The following SYT1 variants were observed in gnomAD, a reference collection of about 807,000 sequenced individuals.
SYT1 encodes synaptotagmin 1.
SYT1 carries 8 observed loss-of-function variants against 44.8 expected under a neutral mutation model. The observed-to-expected ratio is 0.18, with a 90% CI of 0.10 to 0.32. The LOEUF (loss-of-function observed/expected upper bound fraction) is 0.32. Among genes scored for constraint, SYT1 ranks in the 10% least tolerant of loss-of-function variants. The pLI is 1.00. For synonymous variants in SYT1, 154 were observed against 188.8 expected (o/e 0.82, Z 1.51); for missense variants, 286 against 509.3 (o/e 0.56, Z 4.22).
chr12:79,443,692 G>T (rs1000278600), intron 9 of SYT1, among the ~76,000 whole-genome samples: 1 of 152,204 alleles, frequency 6.6e-6, no homozygotes, highest in Non-Finnish European at 1.5e-5. Flanking sequence ...CAGCTCACAA[G>T]AGTGAACGGT....
chr12:78,981,753 A>T (rs1007350049), intron 2 of SYT1, among the ~76,000 whole-genome samples: 13 of 152,212 alleles, frequency 8.5e-5, no homozygotes, highest in African/African-American at 3.1e-4. Context: ...TTTATGAAAT[A>T]GTTATTGAAT....
intron 1 of SYT1, among the ~76,000 whole-genome samples, chr12:78,875,912 C>T (rs1197017067): frequency 1.3e-5 from 2 of 151,634 alleles, no homozygotes; most frequent in South Asian, 4.1e-4. Context: ...ACATATCTTC[C>T]GTTTCTTAAA....
chr12:79,038,513 C>T (rs1873294578), intron 2 of SYT1, among the ~76,000 whole-genome samples: 1 of 151,838 alleles, frequency 6.6e-6, no homozygotes, highest in African/African-American at 2.4e-5. Context: ...TGCTTACTGA[C>T]TGCTGTTCCA....
At chr12:79,365,650 A>G (rs1317765996) in intron 9 of SYT1, among the ~76,000 whole-genome samples, 2 of 152,074 alleles carry the variant, frequency 1.3e-5, no homozygotes, top group Non-Finnish European at 2.9e-5. Context: ...AATGTTCCTA[A>G]AATTTACTTG....
intron 3 of SYT1, among the ~76,000 whole-genome samples, chr12:79,161,033 G>A (rs1431180257): frequency 1.3e-5 from 2 of 152,054 alleles, no homozygotes; most frequent in African/African-American, 4.8e-5. Flanking sequence ...AAGAGCTCGA[G>A]ACCATCCTAG....
At chr12:79,045,879 T>C (rs1874012595) in intron 2 of SYT1, 1 of 152,246 alleles carries the variant, frequency 6.6e-6, no homozygotes, top group Non-Finnish European at 1.5e-5. Context: ...TATTTTTTAA[T>C]AGAATGTCTT....
chr12:79,185,221 G>C (rs1647661212), intron 3 of SYT1, among the ~76,000 whole-genome samples: 1 of 152,012 alleles, frequency 6.6e-6, no homozygotes, highest in African/African-American at 2.4e-5. Context: ...TCACCTATTT[G>C]AATGACAAAT....
At chr12:79,430,517 G>A (rs1869714420) in intron 9 of SYT1, among the ~76,000 whole-genome samples, 1 of 152,204 alleles carries the variant, frequency 6.6e-6, no homozygotes, top group Non-Finnish European at 1.5e-5. Context: ...CGGGCATGGT[G>A]GCTCATGCCT....
intron 8 of SYT1, among the ~76,000 whole-genome samples, chr12:79,306,159 T>A (rs986072639): frequency 6.6e-6 from 1 of 152,188 alleles, no homozygotes; most frequent in African/African-American, 2.4e-5. Context: ...GACTGCAACA[T>A]CCAAAGTGCT....
At chr12:79,130,463 A>G (rs1868739183) in intron 3 of SYT1, among the ~76,000 whole-genome samples, 1 of 152,206 alleles carries the variant, frequency 6.6e-6, no homozygotes, top group African/African-American at 2.4e-5. Flanking sequence ...TCTGTTTCCA[A>G]ACATCTTGAG....
intron 4 of SYT1, among the ~76,000 whole-genome samples, chr12:79,256,690 A>G (rs1877537949): frequency 6.6e-6 from 1 of 152,218 alleles, no homozygotes; most frequent in Non-Finnish European, 1.5e-5. Flanking sequence ...TGCTTCCAAA[A>G]GTTTACAAGC....
intron 2 of SYT1, among the ~76,000 whole-genome samples, chr12:79,035,540 A>C (rs1457374116): frequency 6.7e-6 from 1 of 148,618 alleles, no homozygotes; most frequent in African/African-American, 2.5e-5. Flanking sequence ...ACCTTCTGGA[A>C]ATGAAATAAT....
chr12:79,259,538 G>A (rs1472732910), intron 4 of SYT1, among the ~76,000 whole-genome samples: 1 of 152,112 alleles, frequency 6.6e-6, no homozygotes, highest in African/African-American at 2.4e-5. Flanking sequence ...TTCAAGATCA[G>A]CCTGGGCAAC....
At chr12:79,075,909 C>A (rs958893281) in intron 3 of SYT1, among the ~76,000 whole-genome samples, 1 of 151,954 alleles carries the variant, frequency 6.6e-6, no homozygotes. Flanking sequence ...TTATATCAAC[C>A]TTGTAGGGAA....
chr12:79,201,269 C>A (rs759127806), intron 3 of SYT1, among the ~76,000 whole-genome samples: 1 of 152,130 alleles, frequency 6.6e-6, no homozygotes, highest in Non-Finnish European at 1.5e-5. Flanking sequence ...GAGATTCTAG[C>A]CAGTTTCACA....
rs1342559530 is a variant in SYT1 at position 79,060,003 on chromosome 12, G to T, written c.-18+12641G>T. Among the ~76,000 whole-genome samples, 12 of 152,060 alleles carry T rather than the reference G, an allele frequency of 7.9e-5. No homozygotes were observed. The South Asian group carries it at 1.9e-3, about 24-fold the overall frequency. ...TGTGCTCCTAGACATTATGCAAACT[G>T]TTTCATGGGCTTACACTGAAATAAT... On this transcript the variant is annotated intron_variant, in intron 3 of 10. Coordinates refer to ENST00000261205, the MANE Select transcript of SYT1 (RefSeq NM_005639.3).
At chr12:79,256,804 C>T (rs183845701) in intron 4 of SYT1, among the ~76,000 whole-genome samples, 140 of 152,242 alleles carry the variant, frequency 9.2e-4, no homozygotes, top group African/African-American at 3.3e-3. Context: ...ATTTGTTTGC[C>T]TTACACTTGA....
At chr12:79,009,449 A>T (rs114330038) in intron 2 of SYT1, among the ~76,000 whole-genome samples, 2 of 152,150 alleles carry the variant, frequency 1.3e-5, no homozygotes, top group African/African-American at 4.8e-5. Flanking sequence ...TTCCTTATGG[A>T]TGAGCATTGG....
chr12:79,068,138 A>G (rs17046329), intron 3 of SYT1, among the ~76,000 whole-genome samples: 4,661 of 152,260 alleles, frequency 0.031, 128 homozygotes, highest in Middle Eastern at 0.092. Context: ...ACCCAAACAC[A>G]CTTGTCAAAC....
Sources: allele counts gnomAD v4.1 joint callset (sites outside exome capture counted in the v4.1 genomes callset), GRCh38; gene constraint gnomAD v4.1.1; transcripts MANE v1.5; gene names NCBI Gene and HGNC (gene_info 2026-07-23, HGNC 2026-07-21).